Variants in CENPP observed in about 807,000 individuals in gnomAD.
CENPP encodes the protein centromere protein P.
A neutral mutation model predicts 35.6 loss-of-function variants in CENPP; 24 were observed. The ratio of observed to expected loss-of-function variants is 0.67; its 90% CI spans 0.49 to 0.95. CENPP has a LOEUF of 0.95. Ranked by LOEUF, CENPP falls within the 40% of genes least tolerant of loss-of-function variation. The probability of loss-of-function intolerance (pLI) is 0.00; values close to 1 mark genes in which losing one functional copy is unlikely to be tolerated. For missense variants in CENPP, 332 were observed against 345.3 expected (o/e 0.96, Z 0.31); for synonymous variants, 120 against 125.5 (o/e 0.96, Z 0.29).
chr9:92,552,402 TC>T (rs1326437430), intron 5 of CENPP, among the ~76,000 whole-genome samples: 3 of 152,282 alleles, frequency 2.0e-5, no homozygotes, highest in East Asian at 3.9e-4. Context: ...TACTTTTAGT[TC>T]TTTAAGGAAT....
chr9:92,543,534 C>A (rs1849363438), intron 5 of CENPP, among the ~76,000 whole-genome samples: 2 of 143,746 alleles, frequency 1.4e-5, no homozygotes, highest in African/African-American at 5.1e-5. Flanking sequence ...TTTTGTGATT[C>A]CTTACGAATT....
At chr9:92,587,966 A>T (rs1413229284) in intron 5 of CENPP, among the ~76,000 whole-genome samples, 1 of 151,920 alleles carries the variant, frequency 6.6e-6, no homozygotes, top group Non-Finnish European at 1.5e-5. Context: ...CTCTACTAAA[A>T]ATACAAAAAT....
chr9:92,326,291 C>T (rs1419230997), intron 1 of CENPP, among the ~76,000 whole-genome samples, 186 bp downstream of exon 1: 4 of 152,224 alleles, frequency 2.6e-5, no homozygotes, highest in African/African-American at 9.6e-5. Context: ...GCTGTAAACG[C>T]ATTGCAGGGT....
intron 5 of CENPP, among the ~76,000 whole-genome samples, chr9:92,453,464 A>G (rs1458856444): frequency 6.6e-6 from 1 of 152,190 alleles, no homozygotes; most frequent in African/African-American, 2.4e-5. Context: ...GGTCTGAGAG[A>G]CAGTTTGTTA....
chr9:92,391,123 G>A (rs949510798), intron 5 of CENPP, among the ~76,000 whole-genome samples: 11 of 151,964 alleles, frequency 7.2e-5, no homozygotes, highest in South Asian at 2.1e-4. Flanking sequence ...TAGGCCAGGC[G>A]CGGTGGCTCA....
chr9:92,357,441 A>G (rs1841618951), intron 4 of CENPP, among the ~76,000 whole-genome samples: 1 of 149,804 alleles, frequency 6.7e-6, no homozygotes, highest in Admixed American at 6.7e-5. Context: ...CTCCAGCCAC[A>G]TCCCTTTGAT....
intron 5 of CENPP, chr9:92,495,781 G>A (rs1397928699): frequency 4.2e-6 from 4 of 950,462 alleles, no homozygotes; most frequent in Non-Finnish European, 5.0e-6. Flanking sequence ...ATTAATGGAA[G>A]AAATGAAAGC....
intron 4 of CENPP, among the ~76,000 whole-genome samples, chr9:92,365,437 G>T (rs1337629198): frequency 2.4e-5 from 3 of 124,222 alleles, no homozygotes; most frequent in Admixed American, 9.8e-5. Context: ...TTGAGACAGA[G>T]TCTCGTGCTC....
At chr9:92,507,133 A>C (rs1452610698) in intron 5 of CENPP, among the ~76,000 whole-genome samples, 2 of 152,132 alleles carry the variant, frequency 1.3e-5, no homozygotes, top group Non-Finnish European at 2.9e-5. Context: ...TCTAGGCAGC[A>C]AGATGGGGAT....
intron 5 of CENPP, chr9:92,414,449 A>C (rs557833630): frequency 9.6e-6 from 2 of 208,646 alleles, no homozygotes; most frequent in Non-Finnish European, 1.9e-5. Context: ...AATTGCAATG[A>C]GATAGTTTGG....
At chr9:92,470,446 A>G (rs1845469735) in intron 5 of CENPP, among the ~76,000 whole-genome samples, 1 of 152,186 alleles carries the variant, frequency 6.6e-6, no homozygotes, top group Non-Finnish European at 1.5e-5. Context: ...TCAGCCCACT[A>G]CATTTTACAT....
At chr9:92,331,093 C>T (rs767767414) in intron 1 of CENPP, among the ~76,000 whole-genome samples, 37 of 152,260 alleles carry the variant, frequency 2.4e-4, no homozygotes, top group Non-Finnish European at 3.8e-4. Flanking sequence ...TTTCTTTTTC[C>T]GATAAATCTC....
At chr9:92,523,306 G>C (rs949486621) in intron 5 of CENPP, among the ~76,000 whole-genome samples, 1 of 152,080 alleles carries the variant, frequency 6.6e-6, no homozygotes, top group African/African-American at 2.4e-5. Context: ...TTTCTATAAA[G>C]GGCCAGATAG....
chr9:92,375,323 C>T (rs1355915645), intron 4 of CENPP, among the ~76,000 whole-genome samples: 1 of 151,410 alleles, frequency 6.6e-6, no homozygotes, highest in African/African-American at 2.4e-5. Context: ...GAGGGAGACT[C>T]ACTCTATTGC....
At chr9:92,460,423 G>A (rs1314565238) in intron 5 of CENPP, 6 of 1,115,564 alleles carry the variant, frequency 5.4e-6, no homozygotes, top group African/African-American at 4.7e-5. Context: ...GGGTCCCTGT[G>A]CACATTCTCC....
intron 5 of CENPP, among the ~76,000 whole-genome samples, chr9:92,510,840 TAGA>T (rs375743281): frequency 6.8e-4 from 104 of 152,318 alleles, no homozygotes; most frequent in African/African-American, 2.4e-3. Flanking sequence ...AGCCATTTTC[TAGA>T]AGAAGGATGG....
At chr9:92,402,351 G>A (rs572628795) in intron 5 of CENPP, among the ~76,000 whole-genome samples, 2 of 152,274 alleles carry the variant, frequency 1.3e-5, no homozygotes, top group South Asian at 4.1e-4. Context: ...AGAGAAAGTA[G>A]CAATTATAAC....
intron 5 of CENPP, among the ~76,000 whole-genome samples, chr9:92,484,926 G>C (rs1208205624): frequency 6.6e-6 from 1 of 152,178 alleles, no homozygotes; most frequent in Non-Finnish European, 1.5e-5. Flanking sequence ...TTCGATCTTT[G>C]GTCAGAGGGC....
chr9:92,457,293 T>A, intron 5 of CENPP: 3 of 1,613,504 alleles, frequency 1.9e-6, no homozygotes, highest in Non-Finnish European at 1.7e-6. Context: ...AATTATTACA[T>A]TCCAAAGTTC....
Sources: gnomAD v4.1 joint callset for allele counts (sites outside exome capture counted in the v4.1 genomes callset) on GRCh38, gnomAD v4.1.1 for gene constraint, MANE v1.5 for transcripts, NCBI Gene and HGNC (gene_info 2026-07-23, HGNC 2026-07-21) for gene names.